Variants in FHIT observed in about 807,000 individuals in gnomAD.
The protein encoded by FHIT is fragile histidine triad diadenosine triphosphatase, also known as bis(5'-adenosyl)-triphosphatase.
A neutral mutation model predicts 17.9 loss-of-function variants in FHIT; 19 were observed. The observed-to-expected ratio is 1.06, with a 90% CI of 0.74 to 1.56. The LOEUF (loss-of-function observed/expected upper bound fraction) is 1.56, where lower values mean the gene tolerates loss of function less well. FHIT is among the 40% of genes most tolerant of loss of function. FHIT has a pLI of 0.00. For synonymous variants in FHIT, 81 were observed against 69.7 expected (o/e 1.16, Z -0.81); for missense variants, 248 against 189.2 (o/e 1.31, Z -1.82).
intron 5 of FHIT, among the ~76,000 whole-genome samples, chr3:60,276,012 G>T (rs1331877320): frequency 1.4e-5 from 2 of 146,862 alleles, no homozygotes; most frequent in African/African-American, 5.0e-5. Flanking sequence ...TTTTGAGATG[G>T]AGTCTCGCTC....
At chr3:60,243,016 T>C (rs781067524) in intron 5 of FHIT, among the ~76,000 whole-genome samples, 2 of 151,148 alleles carry the variant, frequency 1.3e-5, no homozygotes. Flanking sequence ...TGGCCTTGAA[T>C]CAGCGTTCTC....
chr3:60,501,157 C>T lies in FHIT; in HGVS notation c.103+35703G>A, dbSNP rs17063335. Among the ~76,000 whole-genome samples the T allele has an allele frequency of 2.3e-3, 355 of 152,248 alleles. 9 individuals are homozygous for T. In the East Asian group the frequency reaches 0.047, roughly 20 times the overall value. ...ACTGATTCACTCACCTGAGAACAAG[C>T]CATTCTGTAAAATAGGCTGAGAAAC... On this transcript the variant is annotated intron_variant, in intron 5 of 9. Transcript: ENST00000492590.
At chr3:60,535,908 T>C (rs981503188) in intron 5 of FHIT, 1 of 152,088 alleles carries the variant, frequency 6.6e-6, no homozygotes, top group Admixed American at 6.5e-5. Flanking sequence ...AAAAAAAATG[T>C]AGCTTACTCT....
At chr3:60,007,016 G>C (rs759486595) in intron 7 of FHIT, among the ~76,000 whole-genome samples, 4 of 152,058 alleles carry the variant, frequency 2.6e-5, no homozygotes, top group African/African-American at 9.7e-5. Flanking sequence ...TTCCCACTGC[G>C]TTAATACTAT....
chr3:59,976,798 TCTC>T (rs1364415849), intron 7 of FHIT, among the ~76,000 whole-genome samples: 5 of 152,198 alleles, frequency 3.3e-5, no homozygotes, highest in African/African-American at 9.6e-5. Flanking sequence ...TGAAATAATA[TCTC>T]CTCCTCCTTC....
chr3:59,880,970 G>A (rs971208094), intron 8 of FHIT, among the ~76,000 whole-genome samples: 3 of 152,090 alleles, frequency 2.0e-5, no homozygotes, highest in Admixed American at 2.0e-4. Context: ...GAGGGCACTT[G>A]GAATAGCAGT....
chr3:61,171,774 G>A (rs1222516940), intron 2 of FHIT, among the ~76,000 whole-genome samples: 1 of 152,132 alleles, frequency 6.6e-6, no homozygotes, highest in Non-Finnish European at 1.5e-5. Flanking sequence ...GGCATCACCT[G>A]GCACTTGTTA....
intron 7 of FHIT, among the ~76,000 whole-genome samples, chr3:59,942,272 G>A (rs73839753): frequency 6.6e-6 from 1 of 152,228 alleles, no homozygotes; most frequent in African/African-American, 2.4e-5. Context: ...CATATTATTT[G>A]ATGCTTATGC....
rs529306087 is a variant in FHIT, at chr3:60,766,407, T to A, written c.-18+55512A>T. 7.9e-4 allele frequency among the ~76,000 whole-genome samples: 121 copies of A among 152,314 alleles called. 1 individual carries two copies. Among genetic ancestry groups the A allele is most frequent in the African/African-American group, 2.6e-3 (107 of 41,568 alleles). ...ACTGTCTCCATCTCTCCACTCTTGCTTATGTACTTCAACACAGACTCTTTA... is the reference window on the plus strand; with the variant it reads ...ACTGTCTCCATCTCTCCACTCTTGCATATGTACTTCAACACAGACTCTTTA... On this transcript the variant is annotated intron_variant, in intron 4 of 9. Coordinates refer to ENST00000492590, the MANE Select transcript of FHIT (RefSeq NM_002012.4).
intron 4 of FHIT, among the ~76,000 whole-genome samples, chr3:60,574,177 A>G (rs1330575896): frequency 6.6e-6 from 1 of 152,042 alleles, no homozygotes; most frequent in Non-Finnish European, 1.5e-5. Flanking sequence ...CAGCTATGGG[A>G]GCTACAAAGA....
intron 5 of FHIT, among the ~76,000 whole-genome samples, chr3:60,214,939 T>A (rs1220914054): frequency 1.3e-5 from 2 of 152,006 alleles, no homozygotes; most frequent in Non-Finnish European, 1.5e-5. Flanking sequence ...TACAACACCC[T>A]CTCACTTATA....
At chr3:60,145,318 A>G (rs1382478292) in intron 5 of FHIT, among the ~76,000 whole-genome samples, 1 of 152,216 alleles carries the variant, frequency 6.6e-6, no homozygotes, top group African/African-American at 2.4e-5. Context: ...GTCACATTAT[A>G]TGTAAATTAT....
chr3:60,170,516 A>AACG (rs1701370454), intron 5 of FHIT, among the ~76,000 whole-genome samples: 2 of 152,188 alleles, frequency 1.3e-5, no homozygotes, highest in Non-Finnish European at 2.9e-5. Context: ...CAAATGGACC[A>AACG]TGTTTTGCTC....
chr3:60,677,239 T>C (rs371349707), intron 4 of FHIT, among the ~76,000 whole-genome samples: 2 of 152,260 alleles, frequency 1.3e-5, no homozygotes, highest in East Asian at 3.9e-4. Context: ...ATATACCGCA[T>C]AGTGGTCAAG....
chr3:60,057,126 T>C (rs531780456), intron 5 of FHIT, among the ~76,000 whole-genome samples: 5 of 152,280 alleles, frequency 3.3e-5, no homozygotes, highest in South Asian at 4.1e-4. Flanking sequence ...AAGGGGGAAG[T>C]GGGATTCACT....
intron 8 of FHIT, among the ~76,000 whole-genome samples, chr3:59,893,361 G>C (rs1161543451): frequency 6.6e-6 from 1 of 152,186 alleles, no homozygotes. Flanking sequence ...TCAGGTTTTA[G>C]ACTACTGTAC....
intron 2 of FHIT, among the ~76,000 whole-genome samples, chr3:61,096,209 A>G (rs2035633312): frequency 6.6e-6 from 1 of 152,216 alleles, no homozygotes; most frequent in South Asian, 2.1e-4. Flanking sequence ...GCAGGCACAG[A>G]AGGATGGAGT....
At chr3:60,375,932 T>C (rs910721195) in intron 5 of FHIT, among the ~76,000 whole-genome samples, 2 of 152,178 alleles carry the variant, frequency 1.3e-5, no homozygotes, top group African/African-American at 4.8e-5. Flanking sequence ...TGAAATATGG[T>C]AGTGTGCCTG....
At chr3:60,557,226 C>G (rs2036771577) in intron 4 of FHIT, among the ~76,000 whole-genome samples, 1 of 152,114 alleles carries the variant, frequency 6.6e-6, no homozygotes, top group Non-Finnish European at 1.5e-5. Context: ...CACACGGAAG[C>G]AAGTGATGGA....
Sources: allele counts gnomAD v4.1 joint callset (sites outside exome capture counted in the v4.1 genomes callset), GRCh38; gene constraint gnomAD v4.1.1; transcripts MANE v1.5; gene names NCBI Gene and HGNC (gene_info 2026-07-23, HGNC 2026-07-21).